Variants in DCLK2 observed in about 807,000 individuals in gnomAD.
DCLK2 encodes the protein doublecortin like kinase 2.
Under a neutral mutation model 78.4 loss-of-function variants are expected in DCLK2, and 31 were observed. That is an observed-to-expected ratio of 0.40 (90% confidence interval 0.30 to 0.53). The LOEUF is 0.53. Ranked by LOEUF, DCLK2 falls within the 20% of genes least tolerant of loss-of-function variation. DCLK2 has a pLI of 0.61. For synonymous variants in DCLK2, 407 were observed against 374.9 expected, an observed-to-expected ratio of 1.09 and a Z score of -0.99; for missense variants, 872 against 973.7, an observed-to-expected ratio of 0.90 and a Z score of 1.39.
intron 1 of DCLK2, among the ~76,000 whole-genome samples, chr4:150,086,529 C>T (rs1300231909): frequency 1.9e-5 from 2 of 104,044 alleles, no homozygotes; most frequent in Non-Finnish European, 4.0e-5. Context: ...TTTTTTGAGA[C>T]TGAGTCTCAC....
chr4:150,247,637 A>G lies in DCLK2; in HGVS notation c.1813A>G (p.Ile605Val). 1 of 1,614,062 alleles carries G rather than the reference A, an allele frequency of 6.2e-7. No individual in the cohort carries two copies. The highest frequency in any genetic ancestry group is 8.5e-7 in the Non-Finnish European group (1 of 1,180,004). ...TCTCCAGGAAGATCTCTTCGACCAG[A>G]TCTTGGCTGGGAAGCTGGAGTTTCC... Reference protein sequence around the residue: ...NNLQEDLFDQILAGKLEFPAP... With the variant: ...NNLQEDLFDQVLAGKLEFPAP... Residue 605 changes from isoleucine (I) to valine (V), a missense_variant, in exon 13 of 16, where the codon ATC (isoleucine) becomes GTC (valine). Coordinates refer to ENST00000296550, the MANE Select transcript of DCLK2 (RefSeq NM_001040260.4).
intron 2 of DCLK2, among the ~76,000 whole-genome samples, chr4:150,108,772 T>C (rs1376234908): frequency 6.6e-6 from 1 of 152,150 alleles, no homozygotes; most frequent in Non-Finnish European, 1.5e-5. Context: ...ATTCTAGCTT[T>C]TAGCTTTCCC....
At chr4:150,151,580 T>C (rs927536483) in intron 2 of DCLK2, among the ~76,000 whole-genome samples, 15 of 152,250 alleles carry the variant, frequency 9.9e-5, no homozygotes, top group South Asian at 2.1e-4. Flanking sequence ...TCTCTAGATA[T>C]GGTCTCAAAA....
intron 2 of DCLK2, among the ~76,000 whole-genome samples, chr4:150,131,389 T>C (rs1733301406): frequency 6.6e-6 from 1 of 152,148 alleles, no homozygotes; most frequent in Non-Finnish European, 1.5e-5. Flanking sequence ...TTTAAAAAAG[T>C]AGATATTCTT....
chr4:150,213,912 G>C (rs1322074653), intron 5 of DCLK2, among the ~76,000 whole-genome samples: 1 of 152,192 alleles, frequency 6.6e-6, no homozygotes, highest in Non-Finnish European at 1.5e-5. Flanking sequence ...TCTGGAGTCA[G>C]CCCTGGGTTT....
At chr4:150,190,647 G>A (rs907265682) in intron 2 of DCLK2, among the ~76,000 whole-genome samples, 3 of 152,132 alleles carry the variant, frequency 2.0e-5, no homozygotes, top group African/African-American at 7.2e-5. Flanking sequence ...GTGGAAAGGG[G>A]TTTATGGGGA....
chr4:150,175,633 C>G (rs1351562031), intron 2 of DCLK2: 1 of 152,160 alleles, frequency 6.6e-6, no homozygotes, highest in Non-Finnish European at 1.5e-5. Flanking sequence ...GGAGGAAGGA[C>G]TTGGTGAGTC....
chr4:150,117,221 G>A (rs1732161433), intron 2 of DCLK2, among the ~76,000 whole-genome samples: 1 of 152,078 alleles, frequency 6.6e-6, no homozygotes, highest in Non-Finnish European at 1.5e-5. Context: ...ATCTGCCTGG[G>A]GAGTGGGGAA....
At chr4:150,193,584 T>G (rs1326720482) in intron 3 of DCLK2, among the ~76,000 whole-genome samples, 1 of 152,262 alleles carries the variant, frequency 6.6e-6, no homozygotes, top group Non-Finnish European at 1.5e-5. Flanking sequence ...CTGTGCCAAC[T>G]TAAATGCATG....
intron 2 of DCLK2, among the ~76,000 whole-genome samples, chr4:150,110,709 C>T (rs7659119): frequency 6.6e-6 from 1 of 152,152 alleles, no homozygotes; most frequent in African/African-American, 2.4e-5. Flanking sequence ...TAGCTTAGTT[C>T]CCACTTAAAA....
intron 2 of DCLK2, among the ~76,000 whole-genome samples, chr4:150,168,146 A>G (rs1249017875): frequency 6.6e-6 from 1 of 152,166 alleles, no homozygotes; most frequent in Non-Finnish European, 1.5e-5. Context: ...GATCGAGACC[A>G]TCCTGGCTAA....
chr4:150,134,586 A>G (rs933176302), intron 2 of DCLK2, among the ~76,000 whole-genome samples: 4 of 152,046 alleles, frequency 2.6e-5, no homozygotes, highest in African/African-American at 9.7e-5. Context: ...TACAATTTTG[A>G]TTTTTTTCTT....
At chr4:150,117,730 G>A (rs1308198820) in intron 2 of DCLK2, among the ~76,000 whole-genome samples, 1 of 152,116 alleles carries the variant, frequency 6.6e-6, no homozygotes, top group African/African-American at 2.4e-5. Context: ...TCCAGCACTG[G>A]GTAGGTGCTT....
At chr4:150,174,304 CTT>C (rs1480733923) in intron 2 of DCLK2, among the ~76,000 whole-genome samples, 18 of 152,314 alleles carry the variant, frequency 1.2e-4, no homozygotes, top group African/African-American at 4.3e-4. Flanking sequence ...TCAGACCTCT[CTT>C]ATGAAGCTGC....
At chr4:150,236,182 C>G (rs979134046) in intron 10 of DCLK2, among the ~76,000 whole-genome samples, 9 of 152,210 alleles carry the variant, frequency 5.9e-5, no homozygotes, top group African/African-American at 1.9e-4. Flanking sequence ...TTGACAGAAG[C>G]ATCTCACAGC....
intron 1 of DCLK2, among the ~76,000 whole-genome samples, chr4:150,100,099 G>C (rs915687570): frequency 6.6e-6 from 1 of 152,150 alleles, no homozygotes; most frequent in African/African-American, 2.4e-5. Context: ...TTTTAGTAGA[G>C]ACAGGATCTT....
At chr4:150,252,192 GA>G (rs1225172284) in intron 15 of DCLK2, among the ~76,000 whole-genome samples, 3 of 152,194 alleles carry the variant, frequency 2.0e-5, no homozygotes, top group Non-Finnish European at 4.4e-5. Flanking sequence ...ATTCCCTTGC[GA>G]GAGCTAGCAT....
At chr4:150,153,333 G>A (rs1735023546) in intron 2 of DCLK2, among the ~76,000 whole-genome samples, 1 of 152,100 alleles carries the variant, frequency 6.6e-6, no homozygotes, top group Non-Finnish European at 1.5e-5. Context: ...TGATCTGATA[G>A]CCCTGTCACT....
At chr4:150,223,712 C>T (rs1298526469) in intron 7 of DCLK2, among the ~76,000 whole-genome samples, 2 of 151,498 alleles carry the variant, frequency 1.3e-5, no homozygotes, top group East Asian at 1.9e-4. Context: ...CCATTGCACT[C>T]CAGCCTGGCT....
Sources: allele counts gnomAD v4.1 joint callset (sites outside exome capture counted in the v4.1 genomes callset), GRCh38; gene constraint gnomAD v4.1.1; transcripts MANE v1.5; gene names NCBI Gene and HGNC (gene_info 2026-07-23, HGNC 2026-07-21).